Variants in DLGAP1 observed in about 807,000 individuals in gnomAD.
The protein encoded by DLGAP1 is DLG associated protein 1.
DLGAP1 carries 11 observed loss-of-function variants against 90.8 expected under a neutral mutation model. The observed-to-expected ratio is 0.12, with a 90% CI of 0.08 to 0.20. The LOEUF (loss-of-function observed/expected upper bound fraction) is 0.20. DLGAP1 is among the 10% of genes least tolerant of loss of function. DLGAP1 has a pLI of 1.00. For synonymous variants in DLGAP1, 558 were observed against 540.7 expected (o/e 1.03, Z -0.44); for missense variants, 1,050 against 1,333.8 (o/e 0.79, Z 3.31).
intron 2 of DLGAP1, among the ~76,000 whole-genome samples, chr18:4,023,572 T>A (rs1262126334): frequency 6.6e-6 from 1 of 152,244 alleles, no homozygotes; most frequent in Non-Finnish European, 1.5e-5. Context: ...AAAAGATGTT[T>A]TGAAGGAGTC....
intron 7 of DLGAP1, among the ~76,000 whole-genome samples, chr18:3,715,731 C>G (rs754364539): frequency 6.6e-5 from 10 of 152,236 alleles, no homozygotes; most frequent in Middle Eastern, 3.4e-3. Flanking sequence ...ACAGGTACAA[C>G]TGAAAGCATG....
intron 1 of DLGAP1, among the ~76,000 whole-genome samples, chr18:4,205,194 T>A (rs1437241918): frequency 2.0e-5 from 3 of 152,078 alleles, no homozygotes; most frequent in Non-Finnish European, 4.4e-5. Context: ...TCAGGATTTG[T>A]AGATGTTCTC....
chr18:4,057,367 G>A (rs978797273), intron 2 of DLGAP1, among the ~76,000 whole-genome samples: 2 of 152,130 alleles, frequency 1.3e-5, no homozygotes, highest in Non-Finnish European at 2.9e-5. Flanking sequence ...TATTGGTAAG[G>A]GAAAAACACC....
chr18:4,076,019 T>G (rs758448063), intron 2 of DLGAP1, among the ~76,000 whole-genome samples: 1 of 152,154 alleles, frequency 6.6e-6, no homozygotes, highest in Non-Finnish European at 1.5e-5. Flanking sequence ...TCTCCCTTTC[T>G]CGCTCTCTGT....
chr18:3,698,592 G>A (rs139167144), intron 7 of DLGAP1, among the ~76,000 whole-genome samples: 147 of 151,954 alleles, frequency 9.7e-4, no homozygotes, highest in African/African-American at 3.4e-3. Flanking sequence ...TGGGTAACCC[G>A]ACCTTTCTCT....
At chr18:4,172,250 G>T (rs972555141) in intron 1 of DLGAP1, among the ~76,000 whole-genome samples, 1 of 152,174 alleles carries the variant, frequency 6.6e-6, no homozygotes, top group Admixed American at 6.5e-5. Context: ...AGAAGTTATT[G>T]TGTTAATTTT....
intron 2 of DLGAP1, among the ~76,000 whole-genome samples, chr18:4,102,339 G>A (rs2075793375): frequency 6.6e-6 from 1 of 152,126 alleles, no homozygotes; most frequent in African/African-American, 2.4e-5. Context: ...CTCAGGATTC[G>A]AGGTGGGTTT....
At chr18:3,936,352 A>G (rs1347113263) in intron 3 of DLGAP1, among the ~76,000 whole-genome samples, 2 of 152,204 alleles carry the variant, frequency 1.3e-5, no homozygotes, top group African/African-American at 4.8e-5. Context: ...CAAGTGACAC[A>G]TAAAATTCTT....
intron 1 of DLGAP1, among the ~76,000 whole-genome samples, chr18:4,350,428 G>A (rs954974980): frequency 6.6e-6 from 1 of 152,080 alleles, no homozygotes; most frequent in African/African-American, 2.4e-5. Flanking sequence ...CTAATGCAAA[G>A]CAATGCATTT....
rs963376980 is a variant in DLGAP1 at position 3,534,302 on chromosome 18, G to A, written c.2371C>T (p.Arg791Trp). ...LEAVQRSVCH[R>W]DGHWFLKLLQ... ...AGCTTCAGGAACCAGTGGCCATCCC[G>A]GTGGCACACTGACCTTTGCACGGCC... is the stretch of plus-strand genomic sequence containing the variant. The change falls in exon 10 of 13, where the codon CGG becomes TGG. Residue 791 changes from arginine (R) to tryptophan (W), a missense_variant. Arg to Trp is a moderately radical substitution (Grantham distance 101). Around this residue, in one of 2 missense-constraint regions of DLGAP1, gnomAD observed 565 missense variants for 879.7 expected, o/e 0.64. Coordinates refer to ENST00000315677, the MANE Select transcript of DLGAP1 (RefSeq NM_004746.4). 4 of 1,614,192 alleles carry A rather than the reference G, an allele frequency of 2.5e-6. No homozygotes were observed. Among genetic ancestry groups the A allele is most frequent in the Non-Finnish European group, 2.5e-6 (3 of 1,180,026 alleles).
At chr18:4,325,752 C>T (rs575467679) in intron 1 of DLGAP1, among the ~76,000 whole-genome samples, 5 of 152,220 alleles carry the variant, frequency 3.3e-5, no homozygotes, top group African/African-American at 9.6e-5. Context: ...CTAACAAAAA[C>T]AAGCAATGGG....
At chr18:4,091,712 T>G (rs898939942) in intron 2 of DLGAP1, among the ~76,000 whole-genome samples, 1 of 152,232 alleles carries the variant, frequency 6.6e-6, no homozygotes. Flanking sequence ...GCATTTCCAA[T>G]TGATTTTTTG....
At chr18:3,614,830 C>T (rs1218080626) in intron 7 of DLGAP1, among the ~76,000 whole-genome samples, 1 of 125,712 alleles carries the variant, frequency 8.0e-6, no homozygotes, top group Non-Finnish European at 1.6e-5. Flanking sequence ...GCCTGGGCAA[C>T]AAGAGTGAAA....
intron 7 of DLGAP1, among the ~76,000 whole-genome samples, chr18:3,584,621 A>G (rs1040380983): frequency 2.0e-5 from 3 of 152,148 alleles, no homozygotes; most frequent in African/African-American, 7.2e-5. Context: ...ACAATATCAT[A>G]TGGACTCTGG....
chr18:3,953,378 G>A (rs568739369), intron 3 of DLGAP1, among the ~76,000 whole-genome samples: 5 of 152,158 alleles, frequency 3.3e-5, no homozygotes, highest in Admixed American at 2.0e-4. Flanking sequence ...TATTTCATTC[G>A]ATATGTGTAT....
intron 3 of DLGAP1, among the ~76,000 whole-genome samples, chr18:3,890,721 T>C (rs1170429703): frequency 6.6e-6 from 1 of 152,254 alleles, no homozygotes; most frequent in Non-Finnish European, 1.5e-5. Context: ...AAAGTATTTT[T>C]GTTTGTATTA....
chr18:4,193,155 G>A (rs1425890830), intron 1 of DLGAP1, among the ~76,000 whole-genome samples: 1 of 152,160 alleles, frequency 6.6e-6, no homozygotes, highest in Non-Finnish European at 1.5e-5. Context: ...ATTTGTTAAG[G>A]ACTCAAATGC....
intron 10 of DLGAP1, among the ~76,000 whole-genome samples, chr18:3,531,632 A>G (rs2052012242): frequency 6.6e-6 from 1 of 150,890 alleles, no homozygotes; most frequent in Admixed American, 6.6e-5. Context: ...ACAGGGGCCA[A>G]TCTCCACACC....
intron 1 of DLGAP1, among the ~76,000 whole-genome samples, chr18:4,278,716 TG>T (rs2079476700): frequency 6.6e-6 from 1 of 150,856 alleles, no homozygotes; most frequent in East Asian, 1.9e-4. Flanking sequence ...TGTGCATGTG[TG>T]TGTGTATATA....
Sources: allele counts gnomAD v4.1 joint callset (sites outside exome capture counted in the v4.1 genomes callset), GRCh38; gene constraint gnomAD v4.1.1; regional missense constraint gnomAD v4.1.1; transcripts MANE v1.5; gene names NCBI Gene and HGNC (gene_info 2026-07-23, HGNC 2026-07-21).